Variants in ST3GAL2 observed in about 807,000 individuals in gnomAD.
ST3GAL2 encodes the protein CMP-N-acetylneuraminate-beta-galactosamide-alpha-2,3-sialyltransferase 2.
A neutral mutation model predicts 37.5 loss-of-function variants in ST3GAL2; 16 were observed. The observed-to-expected ratio is 0.43, with a 90% CI of 0.29 to 0.65. ST3GAL2 has a LOEUF of 0.65. Among genes scored for constraint, ST3GAL2 ranks in the 30% least tolerant of loss-of-function variants. The pLI, the probability that ST3GAL2 is intolerant of heterozygous loss-of-function variation, is 0.17. For missense variants in ST3GAL2, 383 were observed against 487.8 expected (o/e 0.79, Z 2.02); for synonymous variants, 238 against 202.9 (o/e 1.17, Z -1.47).
intron 1 of ST3GAL2, among the ~76,000 whole-genome samples, chr16:70,418,631 G>A (rs1291774605): frequency 6.6e-6 from 1 of 152,120 alleles, no homozygotes; most frequent in Admixed American, 6.5e-5. Context: ...ATCGAAGTGG[G>A]CCCTCCTTGA....
chr16:70,423,679 T>TC (rs1198129017), intron 1 of ST3GAL2, among the ~76,000 whole-genome samples: 2 of 151,582 alleles, frequency 1.3e-5, no homozygotes, highest in East Asian at 3.9e-4. Context: ...CAATGATTTT[T>TC]TTTTTTTTTT....
At chr16:70,431,688 G>A (rs1259972527) in intron 1 of ST3GAL2, among the ~76,000 whole-genome samples, 2 of 151,230 alleles carry the variant, frequency 1.3e-5, no homozygotes, top group East Asian at 1.9e-4. Context: ...AATTGGCCAG[G>A]TGCAGTGGCT....
At chr16:70,429,711 G>A (rs1224296012) in intron 1 of ST3GAL2, among the ~76,000 whole-genome samples, 1 of 142,648 alleles carries the variant, frequency 7.0e-6, no homozygotes, top group African/African-American at 2.6e-5. Context: ...GGGTGATCAC[G>A]GCTCACTGTA....
chr16:70,426,655 G>A (rs1047783214), intron 1 of ST3GAL2, among the ~76,000 whole-genome samples: 4 of 151,780 alleles, frequency 2.6e-5, no homozygotes, highest in East Asian at 1.9e-4. Flanking sequence ...GGGATTACAG[G>A]CATGCACCAC....
chr16:70,426,995 G>A lies in ST3GAL2; in HGVS notation c.-1004+11954C>T, dbSNP rs1344091651. ...CCCGAGTAGCCGGGACCACAGGTAT[G>A]TACCACCATTCCCAGCTACTTTTTA... On this transcript the variant is annotated intron_variant, in intron 1 of 6. Coordinates refer to ENST00000342907, the MANE Select transcript of ST3GAL2 (RefSeq NM_006927.4). Among the ~76,000 whole-genome samples the A allele has an allele frequency of 3.9e-5, 6 of 152,088 alleles. No individual in the cohort carries two copies. The South Asian group carries it at 6.2e-4, about 16-fold the overall frequency.
intron 1 of ST3GAL2, among the ~76,000 whole-genome samples, chr16:70,413,049 G>C (rs574340944): frequency 6.6e-6 from 1 of 151,922 alleles, no homozygotes; most frequent in Non-Finnish European, 1.5e-5. Context: ...AGGAGTTCAC[G>C]ACCAGCCTGG....
chr16:70,416,132 G>C (rs376789646), intron 1 of ST3GAL2, among the ~76,000 whole-genome samples: 1 of 151,826 alleles, frequency 6.6e-6, no homozygotes, highest in Non-Finnish European at 1.5e-5. Context: ...TCTTCCTCCC[G>C]GATGATCGCA....
intron 1 of ST3GAL2, among the ~76,000 whole-genome samples, chr16:70,406,230 G>C (rs946756376): frequency 3.9e-5 from 6 of 152,106 alleles, no homozygotes; most frequent in African/African-American, 1.4e-4. Flanking sequence ...GATCACCTGG[G>C]GTCAGGAGTT....
chr16:70,429,323 G>A (rs1413655352), intron 1 of ST3GAL2, among the ~76,000 whole-genome samples: 1 of 152,136 alleles, frequency 6.6e-6, no homozygotes, highest in Non-Finnish European at 1.5e-5. Flanking sequence ...GCCGGGTAAG[G>A]TGGCTCAAGC....
intron 2 of ST3GAL2, among the ~76,000 whole-genome samples, chr16:70,395,691 T>C (rs2047511058): frequency 6.6e-6 from 1 of 152,174 alleles, no homozygotes; most frequent in African/African-American, 2.4e-5. Flanking sequence ...GGAATAAAAC[T>C]GGTGTCCCCT....
In ST3GAL2 at chr16:70,395,183, A is replaced by T. The variant is rs779576083; in HGVS notation, c.340-8T>A. On this transcript the variant is annotated splice_region_variant and splice_polypyrimidine_tract_variant and intron_variant, in intron 2 of 6. Coordinates refer to ENST00000342907, the MANE Select transcript of ST3GAL2 (RefSeq NM_006927.4). ...GAACTGGGGCTGCAGCATCTGTGGAAGGGAGGGGAAGATGGGAAACGAGGA... is the reference window on the plus strand; with the variant it reads ...GAACTGGGGCTGCAGCATCTGTGGATGGGAGGGGAAGATGGGAAACGAGGA... The T allele has an allele frequency of 1.3e-6, 2 of 1,589,740 alleles. No individual in the cohort carries two copies. Among genetic ancestry groups the T allele is most frequent in the Non-Finnish European group, 1.7e-6 (2 of 1,166,590 alleles).
chr16:70,422,232 C>T (rs1039616849), intron 1 of ST3GAL2, among the ~76,000 whole-genome samples: 26 of 152,334 alleles, frequency 1.7e-4, no homozygotes, highest in Admixed American at 2.6e-4. Flanking sequence ...ACCTACTGAC[C>T]TCACGCACTC....
chr16:70,415,135 A>G (rs2047667158), intron 1 of ST3GAL2, among the ~76,000 whole-genome samples: 1 of 152,132 alleles, frequency 6.6e-6, no homozygotes, highest in African/African-American at 2.4e-5. Flanking sequence ...CGGCCTCCCA[A>G]AGTGCTGGGA....
intron 4 of ST3GAL2, among the ~76,000 whole-genome samples, chr16:70,386,211 G>T (rs1008632173): frequency 2.6e-4 from 39 of 149,152 alleles, no homozygotes; most frequent in Admixed American, 2.1e-3. Flanking sequence ...TTCCTGAGAC[G>T]GAGTCTCGCT....
At chr16:70,388,337 A>G in intron 4 of ST3GAL2, 30 bp downstream of exon 4, 1 of 1,613,606 alleles carries the variant, frequency 6.2e-7, no homozygotes, top group Non-Finnish European at 8.5e-7. Flanking sequence ...CCTGTCACCC[A>G]TATTCTACCC....
intron 1 of ST3GAL2, among the ~76,000 whole-genome samples, chr16:70,438,050 G>C (rs1597580927): frequency 6.6e-6 from 1 of 152,204 alleles, no homozygotes; most frequent in Admixed American, 6.5e-5. Context: ...TAAAGCAAGA[G>C]GGAAGATGGG....
In ST3GAL2 at chr16:70,398,773, G is replaced by T; in HGVS notation, c.-243C>A. ...GGGCCCCTGCTTAGGGCTTCATCGG[G>T]TCTCTCCGTCACTAGCTAGGCCACA... On this transcript the variant is annotated 5_prime_UTR_variant, in exon 2 of 7. Coordinates refer to ENST00000342907, the MANE Select transcript of ST3GAL2 (RefSeq NM_006927.4). 1.7e-6 allele frequency: 1 copy of T among 586,762 alleles called. No homozygotes were observed. 36.3% of individuals were successfully genotyped at this position (586,762 alleles called of 1,614,324 possible). A position where few individuals can be genotyped will look rare whatever the true frequency, so the allele number is the denominator to read the frequency against.
At chr16:70,401,618 A>AG in intron 1 of ST3GAL2, among the ~76,000 whole-genome samples, 1 of 152,308 alleles carries the variant, frequency 6.6e-6, no homozygotes, top group South Asian at 2.1e-4. Context: ...TGTGCCCCTC[A>AG]GCTGCCCACC....
intron 3 of ST3GAL2, among the ~76,000 whole-genome samples, chr16:70,389,743 C>T (rs181940098): frequency 1.3e-5 from 2 of 152,114 alleles, no homozygotes; most frequent in East Asian, 1.9e-4. Context: ...GGATTACAGG[C>T]GTGAGCCACC....
Sources: allele counts gnomAD v4.1 joint callset (sites outside exome capture counted in the v4.1 genomes callset), GRCh38; gene constraint gnomAD v4.1.1; transcripts MANE v1.5; gene names NCBI Gene and HGNC (gene_info 2026-07-23, HGNC 2026-07-21).